COL6A2: variants seen among roughly 807,000 people sequenced by gnomAD.
The protein encoded by COL6A2 is collagen type VI alpha 2 chain.
In COL6A2, 90 loss-of-function variants were observed where a neutral mutation model predicts 124.9. That is an observed-to-expected ratio of 0.72 (90% CI 0.61 to 0.86). The LOEUF is 0.86. COL6A2 is among the 40% of genes least tolerant of loss of function. COL6A2 has a pLI of 0.00. For synonymous variants in COL6A2, 793 were observed against 618.2 expected (o/e 1.28, Z -4.19); for missense variants, 1,607 against 1,502.5 (o/e 1.07, Z -1.15).
intron 27 of COL6A2, among the ~76,000 whole-genome samples, chr21:46,131,023 C>T (rs2078753663): frequency 1.3e-5 from 2 of 152,248 alleles, no homozygotes; most frequent in Non-Finnish European, 2.9e-5. Flanking sequence ...CCCCCAGAAA[C>T]CGAGTTTCGG....
intron 1 of COL6A2, among the ~76,000 whole-genome samples, chr21:46,102,717 T>G (rs1267339825): frequency 6.6e-6 from 1 of 152,024 alleles, no homozygotes; most frequent in African/African-American, 2.4e-5. Context: ...TTTTTTTTTT[T>G]TTGTATGTTG....
chr21:46,117,578 C>T (rs2123631847), intron 11 of COL6A2, 125 bp downstream of exon 11: 1 of 972,762 alleles, frequency 1.0e-6, no homozygotes, highest in Non-Finnish European at 1.6e-6. Context: ...AGCCCCAGCC[C>T]AGCAGCCCCA....
In COL6A2 at chr21:46,116,236, G is replaced by C. The variant is rs907425756; in HGVS notation, c.901-141G>C. On this transcript the variant is annotated intron_variant, in intron 7 of 27. Coordinates refer to ENST00000300527, the MANE Select transcript of COL6A2 (RefSeq NM_001849.4). This position sits in a 1 kb window ranked among gnomAD's most constrained non-coding sequence, Gnocchi z 4.6. ...AGCCTCCAGCCCGACCCAGGGCTCA[G>C]CCTCCTCCGCAGACTGTTTGTCGAG... The C allele has an allele frequency of 1.6e-5, 19 of 1,177,222 alleles. No individual in the cohort carries two copies. The highest frequency in any genetic ancestry group is 1.4e-4 in the Admixed American group (7 of 50,932). 72.9% of individuals were successfully genotyped at this position (1,177,222 alleles called of 1,614,324 possible).
chr21:46,118,030 G>C, intron 12 of COL6A2, 94 bp downstream of exon 12: 1 of 1,237,188 alleles, frequency 8.1e-7, no homozygotes, highest in Non-Finnish European at 1.1e-6. Context: ...AGCAGAGAGG[G>C]CCTTTCTGGA....
chr21:46,116,929 AC>A lies in COL6A2; in HGVS notation c.999+116del. ...CTTACACATGTGTACACACGCATAC[AC>A]ACACACACACACACACACACACACA... On this transcript the variant is annotated intron_variant, in intron 10 of 27. Transcript: ENST00000300527. This position sits in a 1 kb window ranked among gnomAD's most constrained non-coding sequence, Gnocchi z 4.6. 1 of 601,954 alleles carries A rather than the reference AC, an allele frequency of 1.7e-6. No homozygotes were observed. Among genetic ancestry groups the A allele is most frequent in the South Asian group, 2.5e-5 (1 of 39,248 alleles). 37.3% of individuals were successfully genotyped at this position (601,954 alleles called of 1,614,324 possible). A position where few individuals can be genotyped will look rare whatever the true frequency, so the allele number is the denominator to read the frequency against.
intron 1 of COL6A2, among the ~76,000 whole-genome samples, chr21:46,099,865 C>G (rs965166379): frequency 6.4e-5 from 9 of 139,742 alleles, no homozygotes; most frequent in Non-Finnish European, 1.1e-4. Context: ...GGGAACCTGT[C>G]TCCACAATGG....
intron 1 of COL6A2, among the ~76,000 whole-genome samples, chr21:46,102,804 A>G (rs2078301615): frequency 6.6e-6 from 1 of 151,996 alleles, no homozygotes; most frequent in Admixed American, 6.6e-5. Context: ...AAATTATACC[A>G]AATTTAGTTT....
At chr21:46,104,329 G>T (rs1177445099) in intron 1 of COL6A2, among the ~76,000 whole-genome samples, 1 of 152,126 alleles carries the variant, frequency 6.6e-6, no homozygotes, top group African/African-American at 2.4e-5. Flanking sequence ...TCAATAAAAA[G>T]CTAGAAATTT....
chr21:46,118,084 G>A (rs1383406596), intron 12 of COL6A2, 148 bp downstream of exon 12: 4 of 781,226 alleles, frequency 5.1e-6, no homozygotes, highest in East Asian at 2.7e-5. Flanking sequence ...ATGTGGTGGA[G>A]GGTGCCCTGC....
chr21:46,109,182 A>G (rs1003291670), intron 1 of COL6A2, among the ~76,000 whole-genome samples: 1 of 152,034 alleles, frequency 6.6e-6, no homozygotes, highest in African/African-American at 2.4e-5. Context: ...TTCAGCTCTC[A>G]GCAGAGAGAA....
At chr21:46,131,014 C>T (rs1173261501) in intron 27 of COL6A2, among the ~76,000 whole-genome samples, 1 of 152,234 alleles carries the variant, frequency 6.6e-6, no homozygotes, top group Admixed American at 6.5e-5. Context: ...CCTCCAGGGC[C>T]CCCAGAAACC....
At chr21:46,126,650 G>C (rs748191532) in intron 27 of COL6A2, 109 bp downstream of exon 27, 16 of 1,354,590 alleles carry the variant, frequency 1.2e-5, no homozygotes, top group Non-Finnish European at 1.7e-5. Context: ...CCCGGGGGGC[G>C]GCGGAGCCAC....
rs768632418 is a variant in COL6A2 at position 46,125,460 on chromosome 21, C to CA, written c.1817-5_1817-4insA. ...TACCCCCCGATGACCCTGCCACCCCCCCAGACTGTGAGAAGCGCTGTGGCG... is the reference window on the plus strand; with the variant it reads ...TACCCCCCGATGACCCTGCCACCCCCACCAGACTGTGAGAAGCGCTGTGGCG... On this transcript the variant is annotated splice_region_variant and splice_polypyrimidine_tract_variant and intron_variant, in intron 24 of 27. Coordinates refer to ENST00000300527, the MANE Select transcript of COL6A2 (RefSeq NM_001849.4). The CA allele has an allele frequency of 6.2e-7, 1 of 1,612,886 alleles. No individual in the cohort carries two copies. The highest frequency in any genetic ancestry group is 2.2e-5 in the East Asian group (1 of 44,868).
intron 1 of COL6A2, among the ~76,000 whole-genome samples, chr21:46,102,934 A>G (rs7276358): frequency 0.97 from 147,308 of 152,256 alleles, 71,285 homozygotes; most frequent in East Asian, 1. Context: ...TGCTGGCCTC[A>G]TAAGAATGAG....
At chr21:46,112,982 A>G in intron 4 of COL6A2, 158 bp downstream of exon 4, 1 of 914,946 alleles carries the variant, frequency 1.1e-6, no homozygotes, top group East Asian at 2.6e-5. Context: ...GAGTCTGGAG[A>G]AAGGGCTCCC....
intron 21 of COL6A2, among the ~76,000 whole-genome samples, chr21:46,123,395 A>G (rs934771743): frequency 6.6e-6 from 1 of 151,402 alleles, no homozygotes; most frequent in African/African-American, 2.4e-5. Flanking sequence ...TCCTCCCCAC[A>G]GTTATCCCCC....
chr21:46,118,008 G>C, intron 12 of COL6A2, 72 bp downstream of exon 12: 1 of 1,424,354 alleles, frequency 7.0e-7, no homozygotes, highest in Non-Finnish European at 9.7e-7. Context: ...GGCAGCCCCA[G>C]CTGAGAAGCT....
intron 27 of COL6A2, among the ~76,000 whole-genome samples, chr21:46,130,721 A>G (rs2078749543): frequency 1.3e-5 from 2 of 152,176 alleles, no homozygotes; most frequent in Non-Finnish European, 1.5e-5. Flanking sequence ...ACAGCAGTGA[A>G]AATGTTATTA....
Position 46,116,626 on chromosome 21 carries a change from C to G in COL6A2, c.928-25C>G. On this transcript the variant is annotated intron_variant, in intron 8 of 27. Coordinates refer to ENST00000300527, the MANE Select transcript of COL6A2 (RefSeq NM_001849.4). This position sits in a 1 kb window ranked among gnomAD's most constrained non-coding sequence, Gnocchi z 4.6. ...ATGATGCTTTGAGGCACCGAGCTCA[C>G]TGCGCCGGCTTTCCTCCTACACAGG... The G allele has an allele frequency of 6.2e-7, 1 of 1,612,954 alleles. No homozygotes were observed. The highest frequency in any genetic ancestry group is 1.3e-5 in the African/African-American group (1 of 75,062).
Sources: gnomAD v4.1 joint callset for allele counts (sites outside exome capture counted in the v4.1 genomes callset) on GRCh38, gnomAD v4.1.1 for gene constraint, Gnocchi (gnomAD v3.1) non-coding constraint, MANE v1.5 for transcripts, NCBI Gene and HGNC (gene_info 2026-07-23, HGNC 2026-07-21) for gene names.